CXADR: variants seen among roughly 807,000 people sequenced by gnomAD.
CXADR encodes the protein CXADR cell adhesion molecule.
Under a neutral mutation model 40.3 loss-of-function variants are expected in CXADR, and 20 were observed. The observed-to-expected ratio is 0.50, with a 90% CI of 0.35 to 0.72. The LOEUF is 0.72. CXADR is among the 30% of genes least tolerant of loss of function. The probability of loss-of-function intolerance (pLI) is 0.01; values close to 1 mark genes in which losing one functional copy is unlikely to be tolerated. For missense variants in CXADR, 332 were observed against 449.1 expected, an observed-to-expected ratio of 0.74 and a Z score of 2.36; for synonymous variants, 150 against 161.3, an observed-to-expected ratio of 0.93 and a Z score of 0.53.
chr21:17,574,066 T>C (rs1232085815), downstream of CXADR, among the ~76,000 whole-genome samples: 2 of 152,214 alleles, frequency 1.3e-5, no homozygotes, highest in African/African-American at 4.8e-5. Flanking sequence ...CATTTTAAGT[T>C]ATTCACAAGA....
chr21:17,585,581 C>T (rs1434004908), intron 7 of CXADR, among the ~76,000 whole-genome samples: 2 of 152,032 alleles, frequency 1.3e-5, no homozygotes, highest in African/African-American at 4.8e-5. Flanking sequence ...ACAGTGGCGC[C>T]ATCTCGGCTC....
At chr21:17,525,470 C>T (rs1190129213) in intron 1 of CXADR, among the ~76,000 whole-genome samples, 2 of 152,196 alleles carry the variant, frequency 1.3e-5, no homozygotes, top group African/African-American at 4.8e-5. Context: ...ATGTGTTCAG[C>T]CCCCACCTTT....
chr21:17,570,457 G>C (rs2061268857), downstream of CXADR, among the ~76,000 whole-genome samples: 1 of 152,136 alleles, frequency 6.6e-6, no homozygotes, highest in South Asian at 2.1e-4. Context: ...CAAAGATCAA[G>C]GCACTGGCAG....
chr21:17,605,083 T>C, the CXADR span: 1 of 1,421,690 alleles, frequency 7.0e-7, no homozygotes, highest in Non-Finnish European at 9.5e-7. Context: ...CCAAGGTGAG[T>C]AATAAAATAG....
intron 1 of CXADR, among the ~76,000 whole-genome samples, chr21:17,527,659 G>A (rs963602783): frequency 6.6e-6 from 1 of 152,126 alleles, no homozygotes; most frequent in Non-Finnish European, 1.5e-5. Flanking sequence ...AAAATGTAAG[G>A]TATTCTGATT....
the CXADR span, among the ~76,000 whole-genome samples, chr21:17,617,528 C>A: frequency 6.6e-6 from 1 of 152,186 alleles, no homozygotes; most frequent in Non-Finnish European, 1.5e-5. Context: ...CAGTTCCAAA[C>A]CACCACAATT....
At chr21:17,530,628 A>G (rs1406716109) in intron 1 of CXADR, among the ~76,000 whole-genome samples, 1 of 151,628 alleles carries the variant, frequency 6.6e-6, no homozygotes, top group Non-Finnish European at 1.5e-5. Flanking sequence ...AACCTGGTCA[A>G]CATGGTGAAA....
At chr21:17,608,493 T>A in the CXADR span, among the ~76,000 whole-genome samples, 1 of 152,074 alleles carries the variant, frequency 6.6e-6, no homozygotes, top group Non-Finnish European at 1.5e-5. Flanking sequence ...AATATATAAA[T>A]GAGATTATTC....
intron 7 of CXADR, among the ~76,000 whole-genome samples, chr21:17,584,318 G>A (rs199799260): frequency 2.6e-5 from 4 of 152,196 alleles, no homozygotes; most frequent in Admixed American, 6.5e-5. Flanking sequence ...AATTAAAGAC[G>A]TAGCTTTGGC....
the CXADR span, among the ~76,000 whole-genome samples, chr21:17,633,635 A>G: frequency 1.3e-5 from 2 of 152,176 alleles, no homozygotes; most frequent in Non-Finnish European, 2.9e-5. Flanking sequence ...TGCCTGAGAG[A>G]CTTTATCTGC....
chr21:17,634,839 C>T, the CXADR span, among the ~76,000 whole-genome samples: 1 of 152,108 alleles, frequency 6.6e-6, no homozygotes, highest in African/African-American at 2.4e-5. Context: ...CACTGCAACC[C>T]TGAACTCCTG....
chr21:17,517,721 T>TA (rs1352630698), intron 1 of CXADR, among the ~76,000 whole-genome samples: 2 of 152,128 alleles, frequency 1.3e-5, no homozygotes, highest in African/African-American at 2.4e-5. Flanking sequence ...AACAAAATCT[T>TA]ACAAAAGGTG....
At position 17,566,450 on chromosome 21, in the gene CXADR, A is replaced by T; in HGVS notation, c.*758A>T. The T allele has an allele frequency of 1.0e-6, 1 of 985,420 alleles. No individual in the cohort carries two copies. The highest frequency in any genetic ancestry group is 1.2e-6 in the Non-Finnish European group (1 of 829,930). The allele number at this position is 985,420 out of a possible 1,614,324, so 61.0% of individuals were successfully genotyped here. A position where few individuals can be genotyped will look rare whatever the true frequency, so the allele number is the denominator to read the frequency against. The stretch of plus-strand genomic sequence containing the variant: ...GATGACACTAGGTGCAATAGCAGGG[A>T]TAGATTTTGTTGGTGAGTAGTCTCA... On this transcript the variant is annotated 3_prime_UTR_variant, in exon 7 of 7. Transcript: ENST00000284878.
intron 7 of CXADR, among the ~76,000 whole-genome samples, chr21:17,590,265 TTTTA>T (rs1157874265): frequency 1.3e-5 from 2 of 151,464 alleles, no homozygotes; most frequent in Admixed American, 6.6e-5. Flanking sequence ...AATTCAGTAC[TTTTA>T]TTTGTGCTGA....
chr21:17,569,419 A>G lies in CXADR; in HGVS notation c.*3727A>G. On this transcript the variant is annotated 3_prime_UTR_variant, in exon 7 of 7. Transcript: ENST00000284878. ...ATAACATTCCTGTGTTTAGTAGTGT[A>G]AATGTTCTGGGCAAGTTTTAATATT... 2.0e-6 allele frequency: 2 copies of G among 984,996 alleles called. No individual in the cohort carries two copies. Among genetic ancestry groups the G allele is most frequent in the African/African-American group, 1.7e-5 (1 of 57,272 alleles). 61.0% of individuals were successfully genotyped at this position (984,996 alleles called of 1,614,324 possible).
At chr21:17,522,726 A>C (rs1422168644) in intron 1 of CXADR, among the ~76,000 whole-genome samples, 3 of 152,018 alleles carry the variant, frequency 2.0e-5, no homozygotes, top group Non-Finnish European at 4.4e-5. Flanking sequence ...TGTATGGTCC[A>C]TTTCCTTCGT....
At position 17,566,796 on chromosome 21, in the gene CXADR, C is replaced by T. The variant is rs1479549962; in HGVS notation, c.*1104C>T. On this transcript the variant is annotated 3_prime_UTR_variant, in exon 7 of 7. Transcript: ENST00000284878. The stretch of plus-strand genomic sequence containing the variant: ...GCAGAATAATCAAATACATTTTAAG[C>T]AAGTTAAGTGTCCTCCATCAATTCT... The T allele has an allele frequency of 5.2e-6, 5 of 963,686 alleles. No individual in the cohort carries two copies. The highest frequency in any genetic ancestry group is 1.8e-5 in the African/African-American group (1 of 56,660). 59.7% of individuals were successfully genotyped at this position (963,686 alleles called of 1,614,324 possible). A position where few individuals can be genotyped will look rare whatever the true frequency, so the allele number is the denominator to read the frequency against.
chr21:17,547,242 C>T (rs116243350), intron 2 of CXADR, 49 bp downstream of exon 2: 10 of 1,609,524 alleles, frequency 6.2e-6, no homozygotes, highest in African/African-American at 2.7e-5. Flanking sequence ...GTGCAACTAT[C>T]TGATGTGTCC....
In CXADR at chr21:17,565,709, A is replaced by G. The variant is rs756263296; in HGVS notation, c.*17A>G. ...ATAGTATAGAGCCTCCATATGTCTCATCTGTGCTCTCCGTGTTCCTTTCCT... is the reference window on the plus strand; with the variant it reads ...ATAGTATAGAGCCTCCATATGTCTCGTCTGTGCTCTCCGTGTTCCTTTCCT... On this transcript the variant is annotated 3_prime_UTR_variant, in exon 7 of 7. Coordinates refer to ENST00000284878, the MANE Select transcript of CXADR (RefSeq NM_001338.5). The G allele has an allele frequency of 1.9e-6, 3 of 1,605,210 alleles. No individual in the cohort carries two copies. Among genetic ancestry groups the G allele is most frequent in the African/African-American group, 2.7e-5 (2 of 74,608 alleles).
Sources: allele counts gnomAD v4.1 joint callset (sites outside exome capture counted in the v4.1 genomes callset), GRCh38; gene constraint gnomAD v4.1.1; transcripts MANE v1.5; gene names NCBI Gene and HGNC (gene_info 2026-07-23, HGNC 2026-07-21).